PBX1: variants seen among roughly 807,000 people sequenced by gnomAD.
PBX1 encodes pre-B-cell leukemia transcription factor 1.
In PBX1, 6 loss-of-function variants were observed where a neutral mutation model predicts 53.4. The ratio of observed to expected loss-of-function variants is 0.11; its 90% CI spans 0.06 to 0.22. The LOEUF (loss-of-function observed/expected upper bound fraction) is 0.22, where lower values mean the gene tolerates loss of function less well. PBX1 is among the 10% of genes least tolerant of loss of function. The probability of loss-of-function intolerance (pLI) is 1.00; values close to 1 mark genes in which losing one functional copy is unlikely to be tolerated. For missense variants in PBX1, 251 were observed against 551.4 expected, an observed-to-expected ratio of 0.46 and a Z score of 5.46; for synonymous variants, 204 against 212.3, an observed-to-expected ratio of 0.96 and a Z score of 0.34.
intron 2 of PBX1, among the ~76,000 whole-genome samples, chr1:164,654,032 T>C (rs1437000018): frequency 2.0e-5 from 3 of 152,214 alleles, no homozygotes; most frequent in African/African-American, 7.2e-5. Flanking sequence ...GATAAATTTT[T>C]ACCATTCTTT....
intron 2 of PBX1, among the ~76,000 whole-genome samples, chr1:164,646,288 A>T (rs1052182023): frequency 2.0e-5 from 3 of 152,210 alleles, no homozygotes; most frequent in Non-Finnish European, 4.4e-5. Flanking sequence ...CATCTATGTT[A>T]TGAAAACCAT....
intron 8 of PBX1, among the ~76,000 whole-genome samples, chr1:164,823,140 C>G (rs1199951418): frequency 6.6e-6 from 1 of 152,168 alleles, no homozygotes; most frequent in Non-Finnish European, 1.5e-5. Flanking sequence ...ATATTCTAGA[C>G]AATCATTTTA....
chr1:164,857,356 G>A (rs1482714246), intron 2 of PBX1, among the ~76,000 whole-genome samples: 1 of 152,174 alleles, frequency 6.6e-6, no homozygotes, highest in East Asian at 1.9e-4. Context: ...CCTAAGCACA[G>A]GAGCCTCTAA....
rs541095042 is a variant in PBX1, at chr1:164,845,770, C to T, written c.1201-814C>T. On this transcript the variant is annotated intron_variant, in intron 8 of 8. Coordinates refer to ENST00000420696, the MANE Select transcript of PBX1 (RefSeq NM_002585.4). ...AATATTGATCAAGCCTATACCTTCC[C>T]GTCTCACCACCTCTCTGGATATATT... Among the ~76,000 whole-genome samples, 13 of 152,190 alleles carry T rather than the reference C, an allele frequency of 8.5e-5. No individual in the cohort carries two copies. The South Asian group carries it at 2.5e-3, about 29-fold the overall frequency.
At chr1:164,792,296 A>G (rs1668553204) in intron 2 of PBX1, among the ~76,000 whole-genome samples, 198 bp from the exon 3 acceptor site, 9 of 151,968 alleles carry the variant, frequency 5.9e-5, no homozygotes, top group Admixed American at 5.9e-4. Context: ...GTGGAGTGTA[A>G]TTTTGGAACA....
chr1:164,874,714 G>C (rs1386383032), intron 2 of PBX1, among the ~76,000 whole-genome samples: 1 of 152,032 alleles, frequency 6.6e-6, no homozygotes, highest in Non-Finnish European at 1.5e-5. Context: ...GGCTGGTCTC[G>C]AACTCCTGAC....
At chr1:164,723,594 G>C (rs564438569) in intron 2 of PBX1, among the ~76,000 whole-genome samples, 7 of 152,326 alleles carry the variant, frequency 4.6e-5, no homozygotes, top group Admixed American at 1.3e-4. Flanking sequence ...CACATTCAGA[G>C]AAGGGGCGTG....
chr1:164,591,011 AT>A (rs34197119), intron 2 of PBX1, among the ~76,000 whole-genome samples: 67,782 of 126,830 alleles, frequency 0.53, 19,078 homozygotes, highest in East Asian at 0.89. Context: ...CACTTGGCTA[AT>A]TTTTTTTTTT....
chr1:164,653,478 G>A (rs1381453588), intron 2 of PBX1, among the ~76,000 whole-genome samples: 3 of 152,072 alleles, frequency 2.0e-5, no homozygotes, highest in Non-Finnish European at 4.4e-5. Flanking sequence ...CTGGGCAAGA[G>A]GGATGAGTGA....
intron 2 of PBX1, among the ~76,000 whole-genome samples, chr1:164,670,681 C>T (rs1661064242): frequency 6.6e-6 from 1 of 152,094 alleles, no homozygotes; most frequent in African/African-American, 2.4e-5. Context: ...AGGCATAAAG[C>T]AACTCTGGGG....
At chr1:164,874,793 T>C (rs935611935) in intron 2 of PBX1, among the ~76,000 whole-genome samples, 8 of 152,166 alleles carry the variant, frequency 5.3e-5, no homozygotes, top group Non-Finnish European at 1.2e-4. Context: ...TGTGCCCAGC[T>C]TTACTGTGTA....
chr1:164,858,309 A>G (rs764935616), intron 2 of PBX1, among the ~76,000 whole-genome samples: 4 of 152,154 alleles, frequency 2.6e-5, no homozygotes, highest in Non-Finnish European at 4.4e-5. Flanking sequence ...TGTCTTTTTT[A>G]GCCTCAGGTT....
chr1:164,560,337 T>C, intron 1 of PBX1: 1 of 398,546 alleles, frequency 2.5e-6, no homozygotes, highest in Non-Finnish European at 4.4e-6. Context: ...TCGGCACTTT[T>C]TACTGCTTTA....
intron 2 of PBX1, among the ~76,000 whole-genome samples, chr1:164,878,882 G>T (rs1459599989): frequency 6.6e-6 from 1 of 152,222 alleles, no homozygotes; most frequent in African/African-American, 2.4e-5. Flanking sequence ...GACAGTCAAA[G>T]ACAAGGAATC....
rs1455720557 is a variant in PBX1 at position 164,820,475 on chromosome 1, T to C, written c.1110+291T>C. On this transcript the variant is annotated intron_variant, in intron 7 of 8. Transcript: ENST00000420696. ...CAGGCAGGTGGAACCAGCATATTCT[T>C]TATTCACCAAAGGGAAAAGGAGGAG... 4.6e-5 allele frequency among the ~76,000 whole-genome samples: 7 copies of C among 152,264 alleles called. No individual in the cohort carries two copies. In the South Asian group the frequency reaches 1.5e-3, roughly 32 times the overall value.
At chr1:164,673,778 T>G (rs1168557062) in intron 2 of PBX1, among the ~76,000 whole-genome samples, 1 of 152,192 alleles carries the variant, frequency 6.6e-6, no homozygotes, top group Non-Finnish European at 1.5e-5. Context: ...GGGAATGCCG[T>G]GATTCCACGC....
intron 2 of PBX1, among the ~76,000 whole-genome samples, chr1:164,602,101 G>T (rs953286427): frequency 2.6e-5 from 4 of 152,162 alleles, no homozygotes; most frequent in South Asian, 2.1e-4. Context: ...TTCTTTCCAG[G>T]ACTCCTGTGT....
intron 2 of PBX1, among the ~76,000 whole-genome samples, chr1:164,758,492 C>T (rs1239875817): frequency 6.6e-6 from 1 of 152,072 alleles, no homozygotes; most frequent in Non-Finnish European, 1.5e-5. Context: ...ATGCGAGCAT[C>T]CCTGCCTAAT....
At chr1:164,625,304 T>G (rs1355681428) in intron 2 of PBX1, among the ~76,000 whole-genome samples, 1 of 152,166 alleles carries the variant, frequency 6.6e-6, no homozygotes, top group Non-Finnish European at 1.5e-5. Context: ...AAAGTTAGTG[T>G]TTTATGAATT....
Sources: gnomAD v4.1 joint callset for allele counts (sites outside exome capture counted in the v4.1 genomes callset) on GRCh38, gnomAD v4.1.1 for gene constraint, MANE v1.5 for transcripts, NCBI Gene and HGNC (gene_info 2026-07-23, HGNC 2026-07-21) for gene names.